The following RAD51B variants were observed in gnomAD, a reference collection of about 807,000 sequenced individuals.
The protein encoded by RAD51B is RAD51 paralog B, also known as DNA repair protein RAD51 homolog 2.
RAD51B carries 38 observed loss-of-function variants against 42.2 expected under a neutral mutation model. That is an observed-to-expected ratio of 0.90 (90% CI 0.70 to 1.18). RAD51B has a LOEUF of 1.18. Ranked by LOEUF, RAD51B falls within the 50% of genes most tolerant of loss-of-function variation. The probability of loss-of-function intolerance (pLI) is 0.00; values close to 1 mark genes in which losing one functional copy is unlikely to be tolerated. For missense variants in RAD51B, 373 were observed against 400.7 expected (o/e 0.93, Z 0.59); for synonymous variants, 154 against 145.2 (o/e 1.06, Z -0.43).
intron 10 of RAD51B, among the ~76,000 whole-genome samples, chr14:68,537,699 CAATT>C (rs1430547086): frequency 1.3e-5 from 2 of 152,102 alleles, no homozygotes; most frequent in African/African-American, 4.8e-5. Flanking sequence ...ATTAAAAAGA[CAATT>C]AATGGGATAT....
chr14:67,916,021 A>G (rs1268843711), intron 7 of RAD51B, among the ~76,000 whole-genome samples: 1 of 152,226 alleles, frequency 6.6e-6, no homozygotes, highest in Non-Finnish European at 1.5e-5. Flanking sequence ...TATATCATGT[A>G]CCACAAAGGC....
rs369695146 is a variant in RAD51B, at chr14:68,426,108, G to A, written c.957+14581G>A. Among the ~76,000 whole-genome samples, 13 of 147,580 alleles carry A rather than the reference G, an allele frequency of 8.8e-5. No individual in the cohort carries two copies. The East Asian group carries it at 2.0e-3, about 23-fold the overall frequency. ...TTTGAGATGGAGTTTCACTCTTGTTGCCTGGGCTGGAGTGCAATGGCACGA... is the reference window on the plus strand; with the variant it reads ...TTTGAGATGGAGTTTCACTCTTGTTACCTGGGCTGGAGTGCAATGGCACGA... On this transcript the variant is annotated intron_variant, in intron 9 of 10. Transcript: ENST00000471583.
chr14:67,825,416 T>C, intron 2 of RAD51B, 48 bp from the exon 3 acceptor site: 1 of 1,343,388 alleles, frequency 7.4e-7, no homozygotes, highest in South Asian at 1.3e-5. Flanking sequence ...AACTCTAGTA[T>C]CTTTGTTACA....
At chr14:67,876,123 G>A (rs1181367130) in intron 5 of RAD51B, among the ~76,000 whole-genome samples, 4 of 151,994 alleles carry the variant, frequency 2.6e-5, no homozygotes, top group Non-Finnish European at 5.9e-5. Flanking sequence ...TGTAACAAAG[G>A]TTTGGAATAT....
chr14:67,832,428 T>A (rs930920173), intron 3 of RAD51B, among the ~76,000 whole-genome samples: 4 of 151,954 alleles, frequency 2.6e-5, no homozygotes, highest in Non-Finnish European at 4.4e-5. Context: ...TATCTCAGGA[T>A]TGTGGAATTT....
intron 8 of RAD51B, among the ~76,000 whole-genome samples, chr14:68,353,804 G>C (rs553159824): frequency 4.6e-5 from 7 of 152,144 alleles, no homozygotes; most frequent in Non-Finnish European, 8.8e-5. Context: ...TTGCCACTTT[G>C]GGTGAAGGGC....
At chr14:68,183,475 C>T (rs1419537286) in intron 7 of RAD51B, among the ~76,000 whole-genome samples, 1 of 152,136 alleles carries the variant, frequency 6.6e-6, no homozygotes, top group Non-Finnish European at 1.5e-5. Context: ...TCTCCAAGTC[C>T]ACTGACTCAA....
At chr14:68,164,561 C>T in intron 7 of RAD51B, among the ~76,000 whole-genome samples, 1 of 152,128 alleles carries the variant, frequency 6.6e-6, no homozygotes. Flanking sequence ...CTAGTGATCC[C>T]CTTGGTGAGC....
chr14:68,227,049 A>C lies in RAD51B; in HGVS notation c.757-64835A>C, dbSNP rs2140974914. On this transcript the variant is annotated intron_variant, in intron 7 of 10. Transcript: ENST00000471583. ...AATTCAAAACTCAAGTGTTTCAGTT[A>C]GTGAAGGAGGCTTCTGGATCTTTCC... Among the ~76,000 whole-genome samples the C allele has an allele frequency of 1.3e-5, 2 of 152,348 alleles. 1 individual carries two copies. The highest frequency in any genetic ancestry group is 6.8e-3 in the Middle Eastern group (2 of 294).
intron 7 of RAD51B, among the ~76,000 whole-genome samples, chr14:67,993,361 T>C (rs1872361984): frequency 6.6e-6 from 1 of 152,134 alleles, no homozygotes; most frequent in Admixed American, 6.6e-5. Context: ...CCCCAGCCTC[T>C]GGTCACCATC....
rs139231266 is a variant in RAD51B at position 68,574,092 on chromosome 14, T to TTTTG, written c.1037-20373_1037-20370dup. Among the ~76,000 whole-genome samples, 144 of 151,700 alleles carry TTTTG rather than the reference T, an allele frequency of 9.5e-4. No individual in the cohort carries two copies. The Middle Eastern group carries it at 0.024, about 25-fold the overall frequency. ...AAGCTGAGGGTGAGAAATAGCTACTTTTTGTTTGTTTGTTTGTTTGTTTTT... is the reference window on the plus strand; with the variant it reads ...AAGCTGAGGGTGAGAAATAGCTACTTTTTGTTTGTTTGTTTGTTTGTTTGTTTTT... On this transcript the variant is annotated intron_variant, in intron 10 of 10. Transcript: ENST00000487270.
At chr14:68,323,681 A>C (rs2082196970) in intron 8 of RAD51B, among the ~76,000 whole-genome samples, 2 of 152,170 alleles carry the variant, frequency 1.3e-5, no homozygotes, top group Non-Finnish European at 2.9e-5. Flanking sequence ...TGTAATCCCA[A>C]CTACTCCGGA....
At chr14:68,275,287 A>T (rs532322320) in intron 7 of RAD51B, among the ~76,000 whole-genome samples, 1 of 152,228 alleles carries the variant, frequency 6.6e-6, no homozygotes, top group Non-Finnish European at 1.5e-5. Context: ...AACTGACTAA[A>T]TTTATATGAA....
chr14:67,974,741 G>T (rs1457860830), intron 7 of RAD51B, among the ~76,000 whole-genome samples: 1 of 152,062 alleles, frequency 6.6e-6, no homozygotes, highest in Non-Finnish European at 1.5e-5. Flanking sequence ...TTTATCAGTT[G>T]TGTACACTTT....
chr14:68,124,422 A>G (rs1391940725), intron 7 of RAD51B, among the ~76,000 whole-genome samples: 1 of 152,218 alleles, frequency 6.6e-6, no homozygotes, highest in African/African-American at 2.4e-5. Context: ...CACACGAAAA[A>G]GTCTGTACAA....
At chr14:68,104,526 G>A (rs1186040789) in intron 7 of RAD51B, among the ~76,000 whole-genome samples, 1 of 152,098 alleles carries the variant, frequency 6.6e-6, no homozygotes, top group Non-Finnish European at 1.5e-5. Context: ...TGAATTCTGT[G>A]TCTTAAAATT....
chr14:68,011,114 G>A (rs142803315), intron 7 of RAD51B, among the ~76,000 whole-genome samples: 1 of 152,058 alleles, frequency 6.6e-6, no homozygotes, highest in African/African-American at 2.4e-5. Context: ...AATTTTTAAT[G>A]ATTGGATTGG....
At chr14:68,144,209 CT>C (rs1223450657) in intron 7 of RAD51B, among the ~76,000 whole-genome samples, 1 of 152,210 alleles carries the variant, frequency 6.6e-6, no homozygotes, top group Non-Finnish European at 1.5e-5. Flanking sequence ...TGGTCATTTG[CT>C]GTCTGTCTAG....
intron 5 of RAD51B, among the ~76,000 whole-genome samples, chr14:67,868,600 T>TACAGA: frequency 6.6e-6 from 1 of 152,242 alleles, no homozygotes; most frequent in South Asian, 2.1e-4. Flanking sequence ...CAAGGAGGCC[T>TACAGA]GCCTGCCTCT....
Sources: allele counts gnomAD v4.1 joint callset (sites outside exome capture counted in the v4.1 genomes callset), GRCh38; gene constraint gnomAD v4.1.1; transcripts MANE v1.5; gene names NCBI Gene and HGNC (gene_info 2026-07-23, HGNC 2026-07-21).